Variants in ATP6V0A2 observed in about 807,000 individuals in gnomAD.
ATP6V0A2 encodes the protein V-type proton ATPase 116 kDa subunit a 2.
Under a neutral mutation model 104.4 loss-of-function variants are expected in ATP6V0A2, and 58 were observed. The ratio of observed to expected loss-of-function variants is 0.56; its 90% CI spans 0.45 to 0.69. The LOEUF is 0.69. Ranked by LOEUF, ATP6V0A2 falls within the 30% of genes least tolerant of loss-of-function variation. The pLI, the probability that ATP6V0A2 is intolerant of heterozygous loss-of-function variation, is 0.00. For missense variants in ATP6V0A2, 938 were observed against 1,062.9 expected (o/e 0.88, Z 1.63); for synonymous variants, 376 against 397.9 (o/e 0.95, Z 0.65).
chr12:123,746,398 T>C (rs1336158740), intron 13 of ATP6V0A2, among the ~76,000 whole-genome samples: 1 of 151,958 alleles, frequency 6.6e-6, no homozygotes, highest in Non-Finnish European at 1.5e-5. Flanking sequence ...GCCTCCAACT[T>C]CTCAGCCCTG....
In ATP6V0A2 at chr12:123,716,122, A is replaced by T. The variant is rs1166191531; in HGVS notation, c.118-2501A>T. Among the ~76,000 whole-genome samples, 4 of 151,044 alleles carry T rather than the reference A, an allele frequency of 2.6e-5. No individual in the cohort carries two copies. The East Asian group carries it at 7.8e-4, about 29-fold the overall frequency. ...AATTCTGTCGCCCAGGATGGAGTGC[A>T]GTGGCGCGATCTCAGCTCATTGCAA... On this transcript the variant is annotated intron_variant, in intron 1 of 19. Coordinates refer to ENST00000330342, the MANE Select transcript of ATP6V0A2 (RefSeq NM_012463.4).
At chr12:123,716,062 A>T (rs1198324422) in intron 1 of ATP6V0A2, among the ~76,000 whole-genome samples, 2 of 151,022 alleles carry the variant, frequency 1.3e-5, no homozygotes, top group Non-Finnish European at 3.0e-5. Context: ...TAAAAGATGA[A>T]TTTTTTTTCT....
rs753001472 is a variant in ATP6V0A2 at position 123,759,240 on chromosome 12, T to G, written c.*1208T>G. On this transcript the variant is annotated 3_prime_UTR_variant, in exon 20 of 20. Transcript: ENST00000330342. ...AGATTGCACTTATCCTTGAGAACAG[T>G]CTAAATATAAATGAAGATATTTTAC... 1.3e-5 allele frequency: 2 copies of G among 151,128 alleles called. No homozygotes were observed. Among genetic ancestry groups the G allele is most frequent in the Non-Finnish European group, 2.9e-5 (2 of 68,008 alleles). 9.4% of individuals were successfully genotyped at this position (151,128 alleles called of 1,614,324 possible).
At chr12:123,757,769 C>T (rs1311496826) in intron 19 of ATP6V0A2, among the ~76,000 whole-genome samples, 158 bp from the exon 20 acceptor site, 1 of 151,762 alleles carries the variant, frequency 6.6e-6, no homozygotes, top group African/African-American at 2.4e-5. Context: ...GTTGGGGGTG[C>T]GGGGCAGTGT....
At chr12:123,750,227 C>T (rs1023340497) in intron 15 of ATP6V0A2, 7 of 152,346 alleles carry the variant, frequency 4.6e-5, no homozygotes, top group African/African-American at 1.7e-4. Flanking sequence ...ATTCTCACAA[C>T]AGCCCCAGGA....
intron 6 of ATP6V0A2, 65 bp downstream of exon 6, chr12:123,727,974 G>A: frequency 2.5e-6 from 4 of 1,607,614 alleles, no homozygotes; most frequent in South Asian, 1.1e-5. Flanking sequence ...AGATATGGTA[G>A]AAAGAATGTT....
At position 123,745,115 on chromosome 12, in the gene ATP6V0A2, C is replaced by G. The variant is rs1361704300; in HGVS notation, c.1605+143C>G. ...CTCATTAGCCCCTGTGCATCCCAGTCCCGGACACTGGGAGGGGAGGCCAGG... is the reference window on the plus strand; with the variant it reads ...CTCATTAGCCCCTGTGCATCCCAGTGCCGGACACTGGGAGGGGAGGCCAGG... On this transcript the variant is annotated intron_variant, in intron 13 of 19. Transcript: ENST00000330342. 6.2e-5 allele frequency: 54 copies of G among 874,982 alleles called. No homozygotes were observed. In the Admixed American group the frequency reaches 1.1e-3, roughly 17 times the overall value. 54.2% of individuals were successfully genotyped at this position (874,982 alleles called of 1,614,324 possible).
intron 1 of ATP6V0A2, among the ~76,000 whole-genome samples, chr12:123,716,455 A>C (rs564775322): frequency 1.3e-5 from 2 of 152,222 alleles, no homozygotes; most frequent in Admixed American, 1.3e-4. Flanking sequence ...TTTTTACACA[A>C]CTTTATTGAG....
In ATP6V0A2 at chr12:123,759,150, A is replaced by C. The variant is rs914681733; in HGVS notation, c.*1118A>C. On this transcript the variant is annotated 3_prime_UTR_variant, in exon 20 of 20. Transcript: ENST00000330342. ...GAAGGGTTTATACTGAGTGAAGGAA[A>C]GGTAAAAAGTAGTATTTTGTATATT... 3.9e-5 allele frequency: 6 copies of C among 152,638 alleles called. No individual in the cohort carries two copies. Among genetic ancestry groups the C allele is most frequent in the African/African-American group, 1.4e-4 (6 of 41,474 alleles). The allele number at this position is 152,638 out of a possible 1,614,324, so 9.5% of individuals were successfully genotyped here.
intron 15 of ATP6V0A2, among the ~76,000 whole-genome samples, chr12:123,749,645 A>C (rs1956696196): frequency 6.6e-6 from 1 of 152,234 alleles, no homozygotes; most frequent in African/African-American, 2.4e-5. Flanking sequence ...CCAGCTACTC[A>C]GTAAATGTCA....
intron 1 of ATP6V0A2, among the ~76,000 whole-genome samples, chr12:123,717,450 T>C (rs10431322): frequency 0.2 from 9,655 of 47,472 alleles, 704 homozygotes; most frequent in African/African-American, 0.29. Flanking sequence ...TTCTTTCTTT[T>C]TTTTTTTTTT....
chr12:123,757,683 G>T (rs753193807), intron 19 of ATP6V0A2, among the ~76,000 whole-genome samples: 1 of 152,164 alleles, frequency 6.6e-6, no homozygotes, highest in African/African-American at 2.4e-5. Context: ...ACTTGTGCAC[G>T]TGCTTTTGTG....
intron 18 of ATP6V0A2, 152 bp from the exon 19 acceptor site, chr12:123,756,663 T>C: frequency 1.4e-6 from 1 of 740,480 alleles, no homozygotes; most frequent in Non-Finnish European, 2.2e-6. Context: ...GGCTTTCACA[T>C]GAGAAACAGT....
chr12:123,735,578 G>A lies in ATP6V0A2; in HGVS notation c.779G>A (p.Arg260Lys), dbSNP rs199578524. Residue 260 changes from arginine to lysine, a missense_variant, in exon 8 of 20, where the codon AGG (arginine) becomes AAG (lysine). By Grantham distance (26) the Arg-to-Lys change is conservative. Transcript: ENST00000330342. ...TATCCAAACACAGCCGAGGAGCGGA[G>A]GGAGATCCAGGAGGGGCTGAACACC... ...YPYPNTAEER[R>K]EIQEGLNTRI... is the part of the protein sequence containing the mutation. 2 of 1,614,068 alleles carry A rather than the reference G, an allele frequency of 1.2e-6. No homozygotes were observed. The highest frequency in any genetic ancestry group is 1.7e-5 in the Admixed American group (1 of 60,022).
intron 13 of ATP6V0A2, among the ~76,000 whole-genome samples, 184 bp downstream of exon 13, chr12:123,745,156 C>T (rs1386023496): frequency 2.6e-5 from 4 of 152,078 alleles, no homozygotes; most frequent in Non-Finnish European, 4.4e-5. Context: ...GGGGGCCCTC[C>T]GTTTGGGAAG....
At chr12:123,720,958 A>G (rs568543402) in intron 2 of ATP6V0A2, among the ~76,000 whole-genome samples, 1 of 151,952 alleles carries the variant, frequency 6.6e-6, no homozygotes, top group South Asian at 2.1e-4. Flanking sequence ...TTCCTTTGCT[A>G]TCTTGGTAAG....
chr12:123,747,499 CCTT>C (rs1956673297), intron 13 of ATP6V0A2, 105 bp from the exon 14 acceptor site: 2 of 795,534 alleles, frequency 2.5e-6, no homozygotes, highest in South Asian at 2.8e-5. Flanking sequence ...AATATTGTTT[CCTT>C]CTTAAACTTA....
rs532950608 is a variant in ATP6V0A2 at position 123,744,988 on chromosome 12, T to G, written c.1605+16T>G. The G allele has an allele frequency of 1.9e-6, 3 of 1,611,320 alleles. No homozygotes were observed. The African/African-American group carries it at 4.0e-5, about 21-fold the overall frequency. ...CATTGATCCTGTGAGTGCACCACGC[T>G]CTGTCGTTGTCTCTGGATGCTCTGT... is the stretch of plus-strand genomic sequence containing the variant. On this transcript the variant is annotated intron_variant, in intron 13 of 19. Transcript: ENST00000330342. This position sits in a 1 kb window ranked among gnomAD's most constrained non-coding sequence, Gnocchi z 5.4.
chr12:123,751,064 C>G (rs1956709145), intron 15 of ATP6V0A2, 46 bp from the exon 16 acceptor site: 1 of 1,613,418 alleles, frequency 6.2e-7, no homozygotes, highest in Non-Finnish European at 8.5e-7. Flanking sequence ...ACCCTGCAGG[C>G]AGGCCTTCAC....
Sources: allele counts gnomAD v4.1 joint callset (sites outside exome capture counted in the v4.1 genomes callset), GRCh38; gene constraint gnomAD v4.1.1; non-coding constraint Gnocchi (gnomAD v3.1); transcripts MANE v1.5; gene names NCBI Gene and HGNC (gene_info 2026-07-23, HGNC 2026-07-21).